PRKDC: variants seen among roughly 807,000 people sequenced by gnomAD.
PRKDC encodes protein kinase, DNA-activated, catalytic subunit, also known as DNA-dependent protein kinase catalytic subunit.
A neutral mutation model predicts 486.9 loss-of-function variants in PRKDC; 82 were observed. That is an observed-to-expected ratio of 0.17 (90% CI 0.14 to 0.20). The LOEUF (loss-of-function observed/expected upper bound fraction) is 0.20. PRKDC is among the 10% of genes least tolerant of loss of function. PRKDC has a pLI of 1.00. For missense variants in PRKDC, 4,504 were observed against 5,038.2 expected (o/e 0.89, Z 3.21); for synonymous variants, 1,895 against 1,837.0 (o/e 1.03, Z -0.81).
At position 47,904,932 on chromosome 8, in the gene PRKDC, G is replaced by T; in HGVS notation, c.2979C>A (p.His993Gln). Residue 993 changes from histidine (H) to glutamine (Q), a missense_variant, in exon 26 of 86, where the codon CAC becomes CAA. His to Gln is a conservative substitution (Grantham distance 24). Coordinates refer to ENST00000314191, the MANE Select transcript of PRKDC (RefSeq NM_006904.7). Reference sequence around the variant, plus strand: ...CAAATTTCTTGTTGTTAGTGAACCAGTGAATCAGCTGCATAACTAGTGGCT... The same window carrying T: ...CAAATTTCTTGTTGTTAGTGAACCATTGAATCAGCTGCATAACTAGTGGCT... ...LYEPLVMQLIHWFTNNKKFES... is the reference protein window; with the variant it reads ...LYEPLVMQLIQWFTNNKKFES... 6.2e-7 allele frequency: 1 copy of T among 1,613,724 alleles called. No individual in the cohort carries two copies. Among genetic ancestry groups the T allele is most frequent in the Non-Finnish European group, 8.5e-7 (1 of 1,179,722 alleles).
intron 33 of PRKDC, 82 bp from the exon 34 acceptor site, chr8:47,888,732 T>G (rs2089390679): frequency 6.9e-7 from 1 of 1,445,142 alleles, no homozygotes; most frequent in South Asian, 1.6e-5. Context: ...ATGTTTGCAC[T>G]GTTATGAAGC....
rs775931833 is a variant in PRKDC, at chr8:47,889,753, AC to A, written c.4071+503del. Among the ~76,000 whole-genome samples the A allele has an allele frequency of 3.9e-5, 6 of 152,392 alleles. No individual in the cohort carries two copies. The South Asian group carries it at 6.2e-4, about 16-fold the overall frequency. On this transcript the variant is annotated intron_variant, in intron 32 of 85. Transcript: ENST00000314191. ...AAAAACTATTTTATATTTTATTCACACAGTGAAACTCTGAAGGACATGCAAA... is the reference window on the plus strand; with the variant it reads ...AAAAACTATTTTATATTTTATTCACAAGTGAAACTCTGAAGGACATGCAAA...
chr8:47,776,372 T>G (rs147406487), intron 85 of PRKDC, among the ~76,000 whole-genome samples: 42 of 152,364 alleles, frequency 2.8e-4, no homozygotes, highest in African/African-American at 8.9e-4. Flanking sequence ...AATTTCTATT[T>G]GCTTTAGACC....
intron 41 of PRKDC, among the ~76,000 whole-genome samples, chr8:47,863,836 A>G (rs894127580): frequency 3.3e-5 from 5 of 152,186 alleles, no homozygotes; most frequent in Non-Finnish European, 5.9e-5. Flanking sequence ...TGTTTGCACA[A>G]AATCTTACTG....
At chr8:47,843,516 T>C (rs138111689) in intron 54 of PRKDC, among the ~76,000 whole-genome samples, 189 of 152,224 alleles carry the variant, frequency 1.2e-3, no homozygotes, top group South Asian at 7.3e-3. Context: ...TCACTAGAGG[T>C]AGGTGGGCAT....
chr8:47,921,340 C>T (rs530505065), intron 21 of PRKDC, among the ~76,000 whole-genome samples: 2 of 152,202 alleles, frequency 1.3e-5, no homozygotes, highest in East Asian at 3.9e-4. Flanking sequence ...TTTTATTTCC[C>T]AAGTAATTAC....
At chr8:47,796,992 C>G (rs1335899400) in intron 73 of PRKDC, among the ~76,000 whole-genome samples, 1 of 152,040 alleles carries the variant, frequency 6.6e-6, no homozygotes, top group Non-Finnish European at 1.5e-5. Context: ...ATTCCAAGAC[C>G]ATTTAAAAAA....
intron 30 of PRKDC, among the ~76,000 whole-genome samples, chr8:47,896,043 GA>G (rs1056137170): frequency 4.0e-5 from 6 of 151,710 alleles, no homozygotes; most frequent in Non-Finnish European, 7.4e-5. Flanking sequence ...TGTCTCGGGG[GA>G]AAAAAAATTT....
chr8:47,857,311 T>C lies in PRKDC; in HGVS notation c.6466-12A>G, dbSNP rs765527219. On this transcript the variant is annotated splice_polypyrimidine_tract_variant and intron_variant, in intron 48 of 85. Coordinates refer to ENST00000314191, the MANE Select transcript of PRKDC (RefSeq NM_006904.7). ...TAAGGGCGAAAGACCTACAAGAGGA[T>C]GTAAAAGTCAAACATCAAAGAATGG... 2 of 1,596,790 alleles carry C rather than the reference T, an allele frequency of 1.3e-6. No individual in the cohort carries two copies. Among genetic ancestry groups the C allele is most frequent in the Non-Finnish European group, 1.7e-6 (2 of 1,173,320 alleles).
chr8:47,879,670 G>A lies in PRKDC; in HGVS notation c.5068-12C>T, dbSNP rs2089168093. On this transcript the variant is annotated splice_polypyrimidine_tract_variant and intron_variant, in intron 38 of 85. Coordinates refer to ENST00000314191, the MANE Select transcript of PRKDC (RefSeq NM_006904.7). ...GTGACAGCTTGGCCCTGTGGAGCAA[G>A]ACAGACATAAGAAACTGCACGAATT... 1 of 1,533,280 alleles carries A rather than the reference G, an allele frequency of 6.5e-7. No homozygotes were observed. The highest frequency in any genetic ancestry group is 8.7e-7 in the Non-Finnish European group (1 of 1,148,098). The allele number at this position is 1,533,280 out of a possible 1,614,324, so 95.0% of individuals were successfully genotyped here.
At chr8:47,957,046 T>C in intron 3 of PRKDC, 125 bp downstream of exon 3, 1 of 376,258 alleles carries the variant, frequency 2.7e-6, no homozygotes, top group Non-Finnish European at 4.4e-6. Context: ...GAAGCAGAAA[T>C]AAGCAAATTC....
chr8:47,788,439 C>A (rs547264427), intron 76 of PRKDC, among the ~76,000 whole-genome samples: 1 of 152,370 alleles, frequency 6.6e-6, no homozygotes, highest in Admixed American at 6.5e-5. Flanking sequence ...GTCCTAGGCA[C>A]AGCTCTTGGT....
At chr8:47,784,519 A>G (rs1450631849) in intron 77 of PRKDC, among the ~76,000 whole-genome samples, 3 of 152,214 alleles carry the variant, frequency 2.0e-5, no homozygotes, top group Non-Finnish European at 4.4e-5. Context: ...CACTGAAATG[A>G]GAATATGAAC....
intron 68 of PRKDC, among the ~76,000 whole-genome samples, chr8:47,809,883 T>C (rs2087294528): frequency 6.6e-6 from 1 of 152,176 alleles, no homozygotes; most frequent in Non-Finnish European, 1.5e-5. Flanking sequence ...CTTTTGCCCC[T>C]GTGGAGTGTG....
chr8:47,935,129 C>G, intron 13 of PRKDC, 71 bp from the exon 14 acceptor site: 1 of 1,070,754 alleles, frequency 9.3e-7, no homozygotes, highest in Admixed American at 2.9e-5. Flanking sequence ...CAAAAAAAAA[C>G]AAACAGTCAT....
Position 47,777,760 on chromosome 8 carries a change from C to A in PRKDC, c.11968G>T (p.Ala3990Ser). The change falls in exon 84 of 86, where the codon GCC becomes TCC. Residue 3990 changes from alanine (A) to serine (S), a missense_variant. Physicochemically the swap from Ala to Ser is moderately conservative, Grantham distance 99. Coordinates refer to ENST00000314191, the MANE Select transcript of PRKDC (RefSeq NM_006904.7). Reference sequence around the variant, plus strand: ...AGCAGGCCAGGGTCTGAGCGGAAGGCCCGGAGTGCGTGTACCATGATGCTG... The same window carrying A: ...AGCAGGCCAGGGTCTGAGCGGAAGGACCGGAGTGCGTGTACCATGATGCTG... ...MYSIMVHALR[A>S]FRSDPGLLTN... The A allele has an allele frequency of 6.2e-7, 1 of 1,613,900 alleles. No individual in the cohort carries two copies. The highest frequency in any genetic ancestry group is 8.5e-7 in the Non-Finnish European group (1 of 1,179,838).
chr8:47,881,043 TAAA>T (rs57817228), intron 38 of PRKDC, among the ~76,000 whole-genome samples: 1 of 90,508 alleles, frequency 1.1e-5, no homozygotes. Context: ...CGAGACTGTC[TAAA>T]AAAAAAAAAA....
chr8:47,875,964 A>T (rs1283077418), intron 40 of PRKDC, among the ~76,000 whole-genome samples: 1 of 152,236 alleles, frequency 6.6e-6, no homozygotes, highest in East Asian at 1.9e-4. Context: ...GTCATGGATG[A>T]ACATCAAAAA....
At chr8:47,850,972 G>T (rs1183890565) in intron 52 of PRKDC, among the ~76,000 whole-genome samples, 1 of 152,168 alleles carries the variant, frequency 6.6e-6, no homozygotes, top group East Asian at 1.9e-4. Flanking sequence ...ACCATGCCCA[G>T]CTAATTTTTG....
Sources: gnomAD v4.1 joint callset for allele counts (sites outside exome capture counted in the v4.1 genomes callset) on GRCh38, gnomAD v4.1.1 for gene constraint, MANE v1.5 for transcripts, NCBI Gene and HGNC (gene_info 2026-07-23, HGNC 2026-07-21) for gene names.